CSNK2A2: variants seen among roughly 807,000 people sequenced by gnomAD.
The protein encoded by CSNK2A2 is casein kinase II subunit alpha'.
Under a neutral mutation model 54.0 loss-of-function variants are expected in CSNK2A2, and 8 were observed. The ratio of observed to expected loss-of-function variants is 0.15; its 90% CI spans 0.09 to 0.27. The LOEUF is 0.27. Among genes scored for constraint, CSNK2A2 ranks in the 10% least tolerant of loss-of-function variants. The pLI is 1.00. For synonymous variants in CSNK2A2, 141 were observed against 153.9 expected, an observed-to-expected ratio of 0.92 and a Z score of 0.62; for missense variants, 242 against 439.4, an observed-to-expected ratio of 0.55 and a Z score of 4.02.
chr16:58,182,404 A>AAAAAAC (rs1567470360), intron 4 of CSNK2A2, among the ~76,000 whole-genome samples: 4 of 139,868 alleles, frequency 2.9e-5, no homozygotes, highest in Non-Finnish European at 6.2e-5. Flanking sequence ...AAAAAAAAAA[A>AAAAAAC]ACTAGCCAGG....
chr16:58,195,565 C>A (rs2142456572), intron 2 of CSNK2A2, among the ~76,000 whole-genome samples: 1 of 152,338 alleles, frequency 6.6e-6, no homozygotes, highest in South Asian at 2.1e-4. Flanking sequence ...GCTTACATCA[C>A]TCTTCGGTCT....
chr16:58,172,658 C>A (rs1026877853), intron 5 of CSNK2A2, among the ~76,000 whole-genome samples: 1 of 152,204 alleles, frequency 6.6e-6, no homozygotes. Context: ...GTAATTAATT[C>A]TTTTGCCAAG....
Position 58,197,049 on chromosome 16 carries a change from T to A in CSNK2A2, c.105-205A>T, listed in dbSNP as rs1962474287. 1 of 535,914 alleles carries A rather than the reference T, an allele frequency of 1.9e-6. No homozygotes were observed. Among genetic ancestry groups the A allele is most frequent in the South Asian group, 2.0e-5 (1 of 49,972 alleles). 33.2% of individuals were successfully genotyped at this position (535,914 alleles called of 1,614,324 possible). On this transcript the variant is annotated intron_variant, in intron 1 of 11. Coordinates refer to ENST00000262506, the MANE Select transcript of CSNK2A2 (RefSeq NM_001896.4). This position sits in a 1 kb window ranked among gnomAD's most constrained non-coding sequence, Gnocchi z 4.0. ...AGCTCCTAACCTAATTGGTCTCTCC[T>A]AACTTGGGAAGATGGGGCAGGAAGG...
Position 58,165,570 on chromosome 16 carries a change from G to C in CSNK2A2, c.966C>G (p.His322Gln), listed in dbSNP as rs775784514. 6.2e-7 allele frequency: 1 copy of C among 1,612,358 alleles called. No homozygotes were observed. Among genetic ancestry groups the C allele is most frequent in the Non-Finnish European group, 8.5e-7 (1 of 1,179,486 alleles). Residue 322 changes from histidine (H) to glutamine (Q), a missense_variant, in exon 10 of 12, where the codon CAC (histidine) becomes CAG (glutamine). Transcript: ENST00000262506. ...TCCCTGGAGACTCACAGAAGTATGG[G>C]TGCTCCATGGCCTCTTTGGCAGTCA... The part of the protein sequence containing the change: ...QRLTAKEAME[H>Q]PYFYPVVKEQ...
intron 9 of CSNK2A2, among the ~76,000 whole-genome samples, 166 bp downstream of exon 9, chr16:58,166,418 C>T (rs1398315759): frequency 6.6e-6 from 1 of 152,074 alleles, no homozygotes; most frequent in Non-Finnish European, 1.5e-5. Flanking sequence ...GATTAAAAGA[C>T]ATAAAGTCCA....
intron 5 of CSNK2A2, among the ~76,000 whole-genome samples, chr16:58,171,729 C>T (rs2142419930): frequency 6.6e-6 from 1 of 151,788 alleles, no homozygotes; most frequent in East Asian, 1.9e-4. Flanking sequence ...AGCCACTAGC[C>T]ACATGAGGCC....
At chr16:58,188,656 T>C (rs1472498259) in intron 2 of CSNK2A2, among the ~76,000 whole-genome samples, 1 of 152,252 alleles carries the variant, frequency 6.6e-6, no homozygotes, top group African/African-American at 2.4e-5. Flanking sequence ...GGTTACCTTC[T>C]AATTTTTTAA....
chr16:58,181,199 T>C (rs1159418306), intron 4 of CSNK2A2, among the ~76,000 whole-genome samples: 2 of 152,102 alleles, frequency 1.3e-5, no homozygotes, highest in Non-Finnish European at 2.9e-5. Flanking sequence ...AGAAACAACA[T>C]TGTGAAGCTA....
rs2292028 is a variant in CSNK2A2 at position 58,167,069 on chromosome 16, C to T, written c.726+138G>A. On this transcript the variant is annotated intron_variant, in intron 8 of 11. Transcript: ENST00000262506. ...GACCTGGTAAACACAAAATTCTGTG[C>T]GATCTTTATCTTGAAGAAAAGCTCA... The T allele has an allele frequency of 0.16, 92,051 of 574,318 alleles. 8,392 individuals carry two copies. The highest frequency in any genetic ancestry group is 0.29 in the Admixed American group (8,533 of 29,032). 35.6% of individuals were successfully genotyped at this position (574,318 alleles called of 1,614,324 possible).
chr16:58,164,186 G>C (rs765012200), intron 10 of CSNK2A2, 39 bp from the exon 11 acceptor site: 1 of 1,598,430 alleles, frequency 6.3e-7, no homozygotes, highest in South Asian at 1.1e-5. Context: ...AATCAGGGTG[G>C]TGAGTGCTGA....
At position 58,181,078 on chromosome 16, in the gene CSNK2A2, G is replaced by GGGAC. The variant is rs1258612271; in HGVS notation, c.369+3178_369+3181dup. Among the ~76,000 whole-genome samples the GGGAC allele has an allele frequency of 3.3e-5, 5 of 152,162 alleles. No homozygotes were observed. The East Asian group carries it at 9.7e-4, about 29-fold the overall frequency. Reference sequence around the variant, plus strand: ...AATGTCATGGCTTGAACATTCAAAGGGGACCTCCAGTTAAACAAGGCAGAT... The same window carrying GGGAC: ...AATGTCATGGCTTGAACATTCAAAGGGGACGGACCTCCAGTTAAACAAGGCAGAT... On this transcript the variant is annotated intron_variant, in intron 4 of 11. Coordinates refer to ENST00000262506, the MANE Select transcript of CSNK2A2 (RefSeq NM_001896.4).
At chr16:58,194,845 T>C (rs1962393835) in intron 2 of CSNK2A2, among the ~76,000 whole-genome samples, 1 of 152,064 alleles carries the variant, frequency 6.6e-6, no homozygotes, top group South Asian at 2.1e-4. Context: ...ATAAAGCTCT[T>C]TGGATGATGA....
At chr16:58,167,118 A>G (rs1201148899) in intron 8 of CSNK2A2, 89 bp downstream of exon 8, 1 of 779,754 alleles carries the variant, frequency 1.3e-6, no homozygotes, top group African/African-American at 1.8e-5. Context: ...AGTGATACTT[A>G]GTGGCTCAAG....
chr16:58,181,146 A>C (rs16959775), intron 4 of CSNK2A2, among the ~76,000 whole-genome samples: 1 of 152,196 alleles, frequency 6.6e-6, no homozygotes, highest in African/African-American at 2.4e-5. Context: ...AAATAACCGT[A>C]AAAGGAGCAG....
chr16:58,170,886 T>C (rs1343232928), intron 5 of CSNK2A2, among the ~76,000 whole-genome samples: 1 of 152,116 alleles, frequency 6.6e-6, no homozygotes, highest in Non-Finnish European at 1.5e-5. Context: ...ATAATAACTA[T>C]CTTCATAAAC....
In CSNK2A2 at chr16:58,167,893, A is replaced by G. The variant is rs1419993166; in HGVS notation, c.514-98T>C. ...CACATTAGGTAACAATCATTTGGCCACACAAAAAATGTGAGCAGGTGCACT... is the reference window on the plus strand; with the variant it reads ...CACATTAGGTAACAATCATTTGGCCGCACAAAAAATGTGAGCAGGTGCACT... On this transcript the variant is annotated intron_variant, in intron 6 of 11. Transcript: ENST00000262506. The G allele has an allele frequency of 1.1e-4, 101 of 936,656 alleles. 1 individual carries two copies. The East Asian group carries it at 2.5e-3, about 23-fold the overall frequency. The allele number at this position is 936,656 out of a possible 1,614,324, so 58.0% of individuals were successfully genotyped here. A position where few individuals can be genotyped will look rare whatever the true frequency, so the allele number is the denominator to read the frequency against.
chr16:58,195,791 C>T (rs1962429695), intron 2 of CSNK2A2, among the ~76,000 whole-genome samples: 1 of 152,216 alleles, frequency 6.6e-6, no homozygotes, highest in African/African-American at 2.4e-5. Context: ...AAATTCATTG[C>T]TAAACCATAT....
chr16:58,169,168 C>T (rs1162843507), intron 5 of CSNK2A2, among the ~76,000 whole-genome samples: 1 of 151,994 alleles, frequency 6.6e-6, no homozygotes, highest in Non-Finnish European at 1.5e-5. Context: ...CCTCGTGATC[C>T]GCCAGCCTCG....
intron 2 of CSNK2A2, among the ~76,000 whole-genome samples, chr16:58,192,430 G>GGA (rs1962340839): frequency 6.7e-6 from 1 of 150,008 alleles, no homozygotes; most frequent in African/African-American, 2.5e-5. Flanking sequence ...GCTGAGACTT[G>GGA]GAGGAACTCT....
Sources: allele counts gnomAD v4.1 joint callset (sites outside exome capture counted in the v4.1 genomes callset), GRCh38; gene constraint gnomAD v4.1.1; non-coding constraint Gnocchi (gnomAD v3.1); transcripts MANE v1.5; gene names NCBI Gene and HGNC (gene_info 2026-07-23, HGNC 2026-07-21).